The following DCLRE1C variants were observed in gnomAD, a reference collection of about 807,000 sequenced individuals.
DCLRE1C encodes protein artemis.
DCLRE1C carries 47 observed loss-of-function variants against 61.4 expected under a neutral mutation model. The observed-to-expected ratio is 0.77, with a 90% CI of 0.61 to 0.98. DCLRE1C has a LOEUF of 0.98. Ranked by LOEUF, DCLRE1C falls within the 50% of genes least tolerant of loss-of-function variation. The pLI is 0.00. For missense variants in DCLRE1C, 858 were observed against 816.0 expected (o/e 1.05, Z -0.63); for synonymous variants, 337 against 287.6 (o/e 1.17, Z -1.74).
rs750020058 is a variant in DCLRE1C, at chr10:14,908,165, C to CT, written c.*242dup. ...CAGAGTAGCCCACCACCATGCCTGG[C>CT]TTTTTTTTTTTTTTTTTTTTTTGTA... On this transcript the variant is annotated 3_prime_UTR_variant, in exon 14 of 14. Coordinates refer to ENST00000378278, the MANE Select transcript of DCLRE1C (RefSeq NM_001033855.3). 2,501 of 197,756 alleles carry CT rather than the reference C, an allele frequency of 0.013. 140 individuals carry two copies. The highest frequency in any genetic ancestry group is 0.034 in the African/African-American group (664 of 19,434). The allele number at this position is 197,756 out of a possible 1,614,324, so 12.3% of individuals were successfully genotyped here.
chr10:14,900,726 G>C (rs548749499), downstream of DCLRE1C, among the ~76,000 whole-genome samples: 1 of 152,122 alleles, frequency 6.6e-6, no homozygotes, highest in Non-Finnish European at 1.5e-5. Flanking sequence ...CTGTAGTGCA[G>C]ATTTGATTTT....
chr10:14,941,145 T>C (rs1023077837), intron 3 of DCLRE1C, among the ~76,000 whole-genome samples: 1 of 152,276 alleles, frequency 6.6e-6, no homozygotes, highest in African/African-American at 2.4e-5. Context: ...CCCAAAGTGC[T>C]GCGATTACAG....
exon 14 of DCLRE1C, chr10:14,898,213 T>C (rs1044274633): frequency 7.1e-6 from 1 of 140,150 alleles, no homozygotes; most frequent in East Asian, 2.0e-4. Context: ...TTTTTTTTTT[T>C]TTTTTTTTTT....
chr10:14,929,485 A>C (rs1319063237), intron 9 of DCLRE1C, among the ~76,000 whole-genome samples: 1 of 150,990 alleles, frequency 6.6e-6, no homozygotes, highest in South Asian at 2.1e-4. Context: ...CTACAAAAAA[A>C]TGTAAAAATT....
intron 4 of DCLRE1C, among the ~76,000 whole-genome samples, chr10:14,939,268 C>G (rs1168032275): frequency 6.6e-6 from 1 of 152,080 alleles, no homozygotes. Context: ...GAAACCCCTT[C>G]TCTACTAAAA....
rs1460781871 is a variant in DCLRE1C, at chr10:14,905,479, G to A, written c.*2929C>T. Among the ~76,000 whole-genome samples, 1 of 152,198 alleles carries A rather than the reference G, an allele frequency of 6.6e-6. No homozygotes were observed. Among genetic ancestry groups the A allele is most frequent in the Non-Finnish European group, 1.5e-5 (1 of 68,044 alleles). ...CATGTGCTTCTAATGAACCTGTCAG[G>A]TTGGTGTAAGGTAACAAGCTTAGAC... On this transcript the variant is annotated 3_prime_UTR_variant, in exon 14 of 14. Transcript: ENST00000378278.
chr10:14,923,147 G>T, intron 11 of DCLRE1C, 78 bp from the exon 12 acceptor site: 1 of 1,115,142 alleles, frequency 9.0e-7, no homozygotes, highest in Non-Finnish European at 1.4e-6. Context: ...GGAGGCTGGG[G>T]AAAGAGAAGC....
chr10:14,906,174 T>C lies in DCLRE1C; in HGVS notation c.*2234A>G, dbSNP rs1834377247. Among the ~76,000 whole-genome samples the C allele has an allele frequency of 6.6e-6, 1 of 152,200 alleles. No individual in the cohort carries two copies. Among genetic ancestry groups the C allele is most frequent in the African/African-American group, 2.4e-5 (1 of 41,442 alleles). ...GAATTCTGCCTGTGCCTCATAGCTA[T>C]GTGAACTAACCTCTGTGCCTTTGTC... is the stretch of plus-strand genomic sequence containing the variant. On this transcript the variant is annotated 3_prime_UTR_variant, in exon 14 of 14. Coordinates refer to ENST00000378278, the MANE Select transcript of DCLRE1C (RefSeq NM_001033855.3).
intron 9 of DCLRE1C, among the ~76,000 whole-genome samples, chr10:14,930,484 G>C (rs995539999): frequency 2.6e-5 from 4 of 151,824 alleles, no homozygotes; most frequent in Non-Finnish European, 4.4e-5. Flanking sequence ...CCAGACTGGA[G>C]TGCAGTGGTG....
rs1261447205 is a variant in DCLRE1C at position 14,939,880 on chromosome 10, AAAAT to A, written c.247-15_247-12del. 6.3e-7 allele frequency: 1 copy of A among 1,580,972 alleles called. No homozygotes were observed. Among genetic ancestry groups the A allele is most frequent in the Non-Finnish European group, 8.7e-7 (1 of 1,152,872 alleles). ...GATTTCAATAGATATCTATAAAAAT[AAAAT>A]AAGAGACCATGTATATAGCAGTTTT... On this transcript the variant is annotated splice_polypyrimidine_tract_variant and intron_variant, in intron 3 of 13. Transcript: ENST00000378278.
intron 12 of DCLRE1C, 115 bp downstream of exon 12, chr10:14,922,866 A>T (rs1447664005): frequency 1.2e-6 from 1 of 806,668 alleles, no homozygotes; most frequent in Non-Finnish European, 2.2e-6. Context: ...TCAGTTCAGA[A>T]ATGTCCCAAA....
rs555971836 is a variant in DCLRE1C, at chr10:14,926,483, C to T, written c.972+360G>A. On this transcript the variant is annotated intron_variant, in intron 11 of 13. Transcript: ENST00000378278. Reference sequence around the variant, plus strand: ...CCTGGCCAATGTGGTAAAACCCTGTCTCTGCTAAAAATACAAAAATTTTAG... The same window carrying T: ...CCTGGCCAATGTGGTAAAACCCTGTTTCTGCTAAAAATACAAAAATTTTAG... 1.6e-4 allele frequency among the ~76,000 whole-genome samples: 24 copies of T among 152,074 alleles called. No individual in the cohort carries two copies. The South Asian group carries it at 4.8e-3, about 30-fold the overall frequency.
At chr10:14,938,201 C>G (rs1840289874) in intron 4 of DCLRE1C, among the ~76,000 whole-genome samples, 1 of 152,338 alleles carries the variant, frequency 6.6e-6, no homozygotes, top group South Asian at 2.1e-4. Context: ...GGCAGGACTG[C>G]TCAAAAGTCA....
In DCLRE1C at chr10:14,922,994, T is replaced by C. The variant is rs146859738; in HGVS notation, c.1048A>G (p.Lys350Glu). 8 of 1,613,900 alleles carry C rather than the reference T, an allele frequency of 5.0e-6. No individual in the cohort carries two copies. In the African/African-American group the frequency reaches 1.1e-4, roughly 22 times the overall value. ...NVIPVGTTMD[K>E]VVEILKPLCR... is the part of the protein sequence containing the mutation. Reference sequence around the variant, plus strand: ...GTGACTACTCACATTTCGACAACTTTATCCATAGTTGTGCCAACTGGAATG... The same window carrying C: ...GTGACTACTCACATTTCGACAACTTCATCCATAGTTGTGCCAACTGGAATG... The change falls in exon 12 of 14, where the codon AAA becomes GAA. Residue 350 changes from lysine to glutamate, a missense_variant. Transcript: ENST00000378278.
chr10:14,939,224 G>A (rs1840474510), intron 4 of DCLRE1C, among the ~76,000 whole-genome samples: 1 of 152,228 alleles, frequency 6.6e-6, no homozygotes, highest in African/African-American at 2.4e-5. Flanking sequence ...ATCACTTGAG[G>A]TCAGGAGTTC....
chr10:14,911,728 A>T (rs1835289261), intron 13 of DCLRE1C, among the ~76,000 whole-genome samples: 1 of 152,238 alleles, frequency 6.6e-6, no homozygotes, highest in Admixed American at 6.5e-5. Context: ...CTGATACCAG[A>T]CTTTAACTCT....
chr10:14,915,037 A>T (rs549329395), intron 13 of DCLRE1C, among the ~76,000 whole-genome samples: 7 of 152,276 alleles, frequency 4.6e-5, no homozygotes, highest in African/African-American at 1.7e-4. Context: ...AAATTCAGAA[A>T]CTAGTAACAA....
At chr10:14,935,281 A>C (rs1300813391) in intron 6 of DCLRE1C, among the ~76,000 whole-genome samples, 182 bp downstream of exon 6, 2 of 152,050 alleles carry the variant, frequency 1.3e-5, no homozygotes, top group Admixed American at 6.5e-5. Context: ...AGCCTGCCCA[A>C]CATGGCAAAA....
intron 4 of DCLRE1C, among the ~76,000 whole-genome samples, chr10:14,937,404 G>A (rs1410855193): frequency 6.7e-6 from 1 of 149,646 alleles, no homozygotes; most frequent in African/African-American, 2.5e-5. Flanking sequence ...TCCTGCCTCA[G>A]CCTCCCCAGC....
Sources: gnomAD v4.1 joint callset for allele counts (sites outside exome capture counted in the v4.1 genomes callset) on GRCh38, gnomAD v4.1.1 for gene constraint, MANE v1.5 for transcripts, NCBI Gene and HGNC (gene_info 2026-07-23, HGNC 2026-07-21) for gene names.